Variants in PTPRQ observed in about 807,000 individuals in gnomAD.
PTPRQ encodes phosphatidylinositol phosphatase PTPRQ.
In PTPRQ, 199 loss-of-function variants were observed where a neutral mutation model predicts 246.0. The observed-to-expected ratio is 0.81, with a 90% CI of 0.72 to 0.91. The LOEUF is 0.91. Ranked by LOEUF, PTPRQ falls within the 40% of genes least tolerant of loss-of-function variation. The pLI, the probability that PTPRQ is intolerant of heterozygous loss-of-function variation, is 0.00. For synonymous variants in PTPRQ, 869 were observed against 853.2 expected (o/e 1.02, Z -0.32); for missense variants, 2,624 against 2,528.4 (o/e 1.04, Z -0.81).
chr12:80,493,705 T>C (rs1221393868), intron 10 of PTPRQ, among the ~76,000 whole-genome samples: 2 of 152,034 alleles, frequency 1.3e-5, no homozygotes, highest in African/African-American at 4.8e-5. Context: ...CCAAGCTGCA[T>C]AGACAATCAG....
At chr12:80,470,515 G>T (rs1355341438) in intron 7 of PTPRQ, among the ~76,000 whole-genome samples, 2 of 152,156 alleles carry the variant, frequency 1.3e-5, no homozygotes, top group Non-Finnish European at 1.5e-5. Flanking sequence ...TTGGACCATT[G>T]ACTATGTAAG....
chr12:80,643,924 A>G (rs1899980765), intron 35 of PTPRQ, among the ~76,000 whole-genome samples: 1 of 152,232 alleles, frequency 6.6e-6, no homozygotes, highest in African/African-American at 2.4e-5. Flanking sequence ...ACACCAATTG[A>G]CAAATTTGAG....
intron 33 of PTPRQ, among the ~76,000 whole-genome samples, chr12:80,629,171 CACAG>C (rs1480946989): frequency 1.3e-5 from 2 of 151,108 alleles, no homozygotes; most frequent in Non-Finnish European, 2.9e-5. Flanking sequence ...CACACACACA[CACAG>C]AGAGAGAGAA....
At chr12:80,495,509 C>A (rs2120653708) in intron 12 of PTPRQ, 138 bp downstream of exon 12, 1 of 1,163,774 alleles carries the variant, frequency 8.6e-7, no homozygotes, top group East Asian at 3.0e-5. Flanking sequence ...TTTTGTGTCA[C>A]CATGAATCTT....
At chr12:80,615,550 C>T (rs1441180877) in intron 29 of PTPRQ, among the ~76,000 whole-genome samples, 3 of 150,992 alleles carry the variant, frequency 2.0e-5, no homozygotes, top group Non-Finnish European at 4.5e-5. Context: ...TGTAAATCAC[C>T]CTCTGTGTAT....
At chr12:80,678,877 T>C (rs979412401) in intron 44 of PTPRQ, 109 bp from the exon 45 acceptor site, 6 of 1,438,260 alleles carry the variant, frequency 4.2e-6, no homozygotes, top group Non-Finnish European at 5.5e-6. Context: ...CTAATCCAAG[T>C]TGGGCTAATA....
intron 7 of PTPRQ, 113 bp downstream of exon 7, chr12:80,468,951 GAAGC>G: frequency 7.2e-7 from 1 of 1,386,156 alleles, no homozygotes; most frequent in Middle Eastern, 2.3e-4. Flanking sequence ...CTCTAAGATT[GAAGC>G]AAACAATAGG....
rs1164204385 is a variant in PTPRQ, at chr12:80,493,427, T to C, written c.1512T>C (p.Asn504=). The change falls in exon 10 of 45, where the codon AAT becomes AAC. Residue 504 remains asparagine (N), a synonymous_variant. Transcript: ENST00000644991. The part of the protein sequence containing the change: ...SHPDKNFPAR[N]RAEDQTSPVV... Reference sequence around the variant, plus strand: ...CAGATAAAAACTTTCCTGCAAGGAATAGAGCTGAAGACCAGACTTCACCAG... The same window carrying C: ...CAGATAAAAACTTTCCTGCAAGGAACAGAGCTGAAGACCAGACTTCACCAG... 3.2e-6 allele frequency: 5 copies of C among 1,549,404 alleles called. No homozygotes were observed. Among genetic ancestry groups the C allele is most frequent in the Admixed American group, 2.0e-5 (1 of 50,822 alleles).
chr12:80,586,738 C>G (rs747583528), intron 25 of PTPRQ: 3 of 152,118 alleles, frequency 2.0e-5, no homozygotes, highest in South Asian at 4.1e-4. Context: ...GTTCTGCATC[C>G]GTGGATTCAA....
intron 26 of PTPRQ, among the ~76,000 whole-genome samples, chr12:80,602,869 T>TGG (rs1263924729): frequency 4.0e-5 from 6 of 151,806 alleles, no homozygotes; most frequent in African/African-American, 1.4e-4. Flanking sequence ...AGAAATTATC[T>TGG]GCAATTTAAA....
intron 26 of PTPRQ, among the ~76,000 whole-genome samples, chr12:80,594,533 T>A (rs1897905570): frequency 6.6e-6 from 1 of 152,172 alleles, no homozygotes; most frequent in South Asian, 2.1e-4. Context: ...GGCCCGAATA[T>A]TGAAGTTATT....
At chr12:80,473,076 CAG>C (rs56668325) in intron 8 of PTPRQ, among the ~76,000 whole-genome samples, 118 of 146,230 alleles carry the variant, frequency 8.1e-4, no homozygotes, top group African/African-American at 2.5e-3. Flanking sequence ...CACACACACA[CAG>C]GTCATACATT....
chr12:80,444,468 G>A (rs1892491065), intron 1 of PTPRQ, 69 bp downstream of exon 1: 1 of 915,468 alleles, frequency 1.1e-6, no homozygotes, highest in East Asian at 2.6e-5. Flanking sequence ...GACTTGAATA[G>A]TTGTTCCTTG....
At chr12:80,458,076 A>C (rs1201363849) in intron 4 of PTPRQ, among the ~76,000 whole-genome samples, 1 of 152,038 alleles carries the variant, frequency 6.6e-6, no homozygotes. Flanking sequence ...ATAACATAAG[A>C]CTTTTGGAAA....
In PTPRQ at chr12:80,537,385, A is replaced by AT. The variant is rs562332787; in HGVS notation, c.2985+2349dup. ...TTGTAGAATATGTCATGCATGGCAT[A>AT]TCATGTTCTGCCTCCTATTACCGAT... is the stretch of plus-strand genomic sequence containing the variant. On this transcript the variant is annotated intron_variant, in intron 19 of 44. Coordinates refer to ENST00000644991, the MANE Select transcript of PTPRQ (RefSeq NM_001145026.2). Among the ~76,000 whole-genome samples, 22 of 152,282 alleles carry AT rather than the reference A, an allele frequency of 1.4e-4. 1 individual carries two copies. The South Asian group carries it at 4.4e-3, about 30-fold the overall frequency.
chr12:80,574,769 T>A (rs1156333630), intron 25 of PTPRQ, among the ~76,000 whole-genome samples: 1 of 152,222 alleles, frequency 6.6e-6, no homozygotes, highest in Non-Finnish European at 1.5e-5. Flanking sequence ...GTTATACGTG[T>A]CAGCTATATA....
At chr12:80,446,345 G>C (rs1169760171) in intron 3 of PTPRQ, among the ~76,000 whole-genome samples, 1 of 151,360 alleles carries the variant, frequency 6.6e-6, no homozygotes, top group Admixed American at 6.6e-5. Context: ...AGTATACTTA[G>C]TAAAAATAAT....
At chr12:80,632,009 A>G (rs948144206) in intron 33 of PTPRQ, among the ~76,000 whole-genome samples, 183 bp from the exon 34 acceptor site, 1 of 152,080 alleles carries the variant, frequency 6.6e-6, no homozygotes, top group African/African-American at 2.4e-5. Context: ...AAGCAAGAAG[A>G]CCCGGGACTG....
At chr12:80,526,424 A>C (rs1895688880) in intron 17 of PTPRQ, among the ~76,000 whole-genome samples, 1 of 152,152 alleles carries the variant, frequency 6.6e-6, no homozygotes, top group African/African-American at 2.4e-5. Flanking sequence ...GTGGGTATAG[A>C]ATTGGAAAGT....
Sources: allele counts gnomAD v4.1 joint callset (sites outside exome capture counted in the v4.1 genomes callset), GRCh38; gene constraint gnomAD v4.1.1; transcripts MANE v1.5; gene names NCBI Gene and HGNC (gene_info 2026-07-23, HGNC 2026-07-21).